Variants in RARRES2 observed in about 807,000 individuals in gnomAD.
RARRES2 encodes the protein retinoic acid receptor responder 2.
A neutral mutation model predicts 17.9 loss-of-function variants in RARRES2; 12 were observed. The ratio of observed to expected loss-of-function variants is 0.67; its 90% CI spans 0.43 to 1.08. RARRES2 has a LOEUF of 1.08. Among genes scored for constraint, RARRES2 ranks in the 50% least tolerant of loss-of-function variants. RARRES2 has a pLI of 0.00. For missense variants in RARRES2, 220 were observed against 210.1 expected, an observed-to-expected ratio of 1.05 and a Z score of -0.29; for synonymous variants, 82 against 86.8, an observed-to-expected ratio of 0.94 and a Z score of 0.31.
At chr7:150,340,801 C>T in intron 1 of RARRES2, 172 bp from the exon 2 acceptor site, 1 of 580,778 alleles carries the variant, frequency 1.7e-6, no homozygotes. Flanking sequence ...CCTTAGGGTC[C>T]GCCTGGCCCT....
chr7:150,339,180 G>A, intron 3 of RARRES2, 99 bp from the exon 4 acceptor site: 2 of 1,159,284 alleles, frequency 1.7e-6, no homozygotes, highest in South Asian at 2.6e-5. Flanking sequence ...CATGGGACCA[G>A]ATCCCCAACT....
In RARRES2 at chr7:150,338,396, C is replaced by T; in HGVS notation, c.*54G>A. 2 of 1,504,702 alleles carry T rather than the reference C, an allele frequency of 1.3e-6. No homozygotes were observed. The highest frequency in any genetic ancestry group is 1.8e-6 in the Non-Finnish European group (2 of 1,127,342). The allele number at this position is 1,504,702 out of a possible 1,614,324, so 93.2% of individuals were successfully genotyped here. The stretch of plus-strand genomic sequence containing the variant: ...TCCTCTCCCTGGGGGCTGGGGTCTT[C>T]CACTGGTTACCACCCGCAGCGGTCC... On this transcript the variant is annotated 3_prime_UTR_variant, in exon 6 of 6. Coordinates refer to ENST00000223271, the MANE Select transcript of RARRES2 (RefSeq NM_002889.4).
Position 150,338,350 on chromosome 7 carries a change from A to G in RARRES2, c.*100T>C, listed in dbSNP as rs552212310. On this transcript the variant is annotated 3_prime_UTR_variant, in exon 6 of 6. Transcript: ENST00000223271. ...CAGCTGGGAGAGCAGCTTTATTATC[A>G]TGGCTGGGGATAGAACGGGTTCCTC... 4 of 1,429,402 alleles carry G rather than the reference A, an allele frequency of 2.8e-6. No homozygotes were observed. The highest frequency in any genetic ancestry group is 6.5e-5 in the East Asian group (2 of 30,828). 88.5% of individuals were successfully genotyped at this position (1,429,402 alleles called of 1,614,324 possible). A position where few individuals can be genotyped will look rare whatever the true frequency, so the allele number is the denominator to read the frequency against.
In RARRES2 at chr7:150,338,400, T is replaced by A. The variant is rs1260315767; in HGVS notation, c.*50A>T. The A allele has an allele frequency of 1.9e-5, 28 of 1,506,920 alleles. No homozygotes were observed. Among genetic ancestry groups the A allele is most frequent in the Non-Finnish European group, 2.3e-5 (26 of 1,128,906 alleles). 93.3% of individuals were successfully genotyped at this position (1,506,920 alleles called of 1,614,324 possible). A position where few individuals can be genotyped will look rare whatever the true frequency, so the allele number is the denominator to read the frequency against. ...CTCCCTGGGGGCTGGGGTCTTCCAC[T>A]GGTTACCACCCGCAGCGGTCCTGGA... On this transcript the variant is annotated 3_prime_UTR_variant, in exon 6 of 6. Transcript: ENST00000223271.
At chr7:150,339,163 TG>T in intron 3 of RARRES2, 82 bp from the exon 4 acceptor site, 1 of 1,326,652 alleles carries the variant, frequency 7.5e-7, no homozygotes, top group Non-Finnish European at 1.1e-6. Context: ...GAGCCAGGGC[TG>T]CCCATCATGG....
chr7:150,340,534 G>A lies in RARRES2; in HGVS notation c.76C>T (p.Gln26Ter). The A allele has an allele frequency of 6.3e-7, 1 of 1,583,676 alleles. No individual in the cohort carries two copies. The highest frequency in any genetic ancestry group is 8.6e-7 in the Non-Finnish European group (1 of 1,165,396). ...GVGVAELTEA[Q>*]RRGLQVALEE... ...AGGGCCACCTGCAGGCCCCGGCGCT[G>A]GGCTTCCGTGAGCTCGGCGACGCCC... Residue 26 changes from glutamine (Q) to a stop codon, truncating the protein, a stop_gained, in exon 2 of 6, where the codon CAG becomes TAG. Transcript: ENST00000223271. LOFTEE classifies it high-confidence loss of function.
Position 150,338,348 on chromosome 7 carries a change from T to C in RARRES2, c.*102A>G. On this transcript the variant is annotated 3_prime_UTR_variant, in exon 6 of 6. Transcript: ENST00000223271. ...GGCAGCTGGGAGAGCAGCTTTATTA[T>C]CATGGCTGGGGATAGAACGGGTTCC... 1 of 1,426,636 alleles carries C rather than the reference T, an allele frequency of 7.0e-7. No homozygotes were observed. The highest frequency in any genetic ancestry group is 9.3e-7 in the Non-Finnish European group (1 of 1,077,422). 88.4% of individuals were successfully genotyped at this position (1,426,636 alleles called of 1,614,324 possible).
At chr7:150,338,962 C>G (rs1222905482) in intron 4 of RARRES2, 24 bp downstream of exon 4, 6 of 1,575,402 alleles carry the variant, frequency 3.8e-6, no homozygotes, top group Non-Finnish European at 5.2e-6. Context: ...CTGTCACCAC[C>G]TGTGCACCCT....
Position 150,340,276 on chromosome 7 carries a change from C to T in RARRES2, c.175-72G>A, listed in dbSNP as rs957383659. ...GTGCAGAGCAAGCCCTGGTGTGATC[C>T]GCACCTCCCTCACGCAGTCACATTC... On this transcript the variant is annotated intron_variant, in intron 2 of 5. Coordinates refer to ENST00000223271, the MANE Select transcript of RARRES2 (RefSeq NM_002889.4). 3.8e-6 allele frequency: 6 copies of T among 1,565,894 alleles called. No homozygotes were observed. The African/African-American group carries it at 4.1e-5, about 11-fold the overall frequency.
intron 3 of RARRES2, 100 bp from the exon 4 acceptor site, chr7:150,339,181 A>G (rs1308929802): frequency 1.7e-6 from 2 of 1,142,860 alleles, no homozygotes; most frequent in African/African-American, 3.1e-5. Flanking sequence ...ATGGGACCAG[A>G]TCCCCAACTA....
chr7:150,340,224 C>A lies in RARRES2; in HGVS notation c.175-20G>T. On this transcript the variant is annotated intron_variant, in intron 2 of 5. Coordinates refer to ENST00000223271, the MANE Select transcript of RARRES2 (RefSeq NM_002889.4). Reference sequence around the variant, plus strand: ...GAAGGGCTGCGGACAGACAGGCAGGCAGAGGATGGCCGGTAGCCAGCTGAG... The same window carrying A: ...GAAGGGCTGCGGACAGACAGGCAGGAAGAGGATGGCCGGTAGCCAGCTGAG... The A allele has an allele frequency of 6.2e-7, 1 of 1,612,298 alleles. No individual in the cohort carries two copies. The highest frequency in any genetic ancestry group is 1.7e-5 in the Admixed American group (1 of 60,002).
rs1026282977 is a variant in RARRES2, at chr7:150,338,434, G to A, written c.*16C>T. On this transcript the variant is annotated 3_prime_UTR_variant, in exon 6 of 6. Coordinates refer to ENST00000223271, the MANE Select transcript of RARRES2 (RefSeq NM_002889.4). ...CCCGCAGCGGTCCTGGAGGCACCAC[G>A]CATCTCTAGACAAAAGGGGAAACAG... is the stretch of plus-strand genomic sequence containing the variant. 40 of 1,525,770 alleles carry A rather than the reference G, an allele frequency of 2.6e-5. No homozygotes were observed. Among genetic ancestry groups the A allele is most frequent in the Admixed American group, 7.9e-5 (4 of 50,596 alleles). 94.5% of individuals were successfully genotyped at this position (1,525,770 alleles called of 1,614,324 possible).
At position 150,338,989 on chromosome 7, in the gene RARRES2, C is replaced by T. The variant is rs770192458; in HGVS notation, c.372G>A (p.Leu124=). ...GTGCACCCTTGCCCCTTCTTACCCGCAGAACTTGGGTCTCTATGGGGCAGT... is the reference window on the plus strand; with the variant it reads ...GTGCACCCTTGCCCCTTCTTACCCGTAGAACTTGGGTCTCTATGGGGCAGT... ...LVHCPIETQV[L]REAEEHQETQ... is the part of the protein sequence containing the mutation. The change falls in exon 4 of 6, where the codon CTG becomes CTA. Residue 124 remains leucine, a synonymous_variant. Coordinates refer to ENST00000223271, the MANE Select transcript of RARRES2 (RefSeq NM_002889.4). The T allele has an allele frequency of 6.2e-7, 1 of 1,603,822 alleles. No individual in the cohort carries two copies. The highest frequency in any genetic ancestry group is 1.1e-5 in the South Asian group (1 of 90,870).
At chr7:150,338,772 TAGGAGGGGTGGGCAGTGCCAGTGG>T (rs1440635759) in intron 4 of RARRES2, 31 bp from the exon 5 acceptor site, 1 of 1,562,134 alleles carries the variant, frequency 6.4e-7, no homozygotes, top group Admixed American at 1.9e-5. Context: ...TCAGGCAGTG[TAGGAGGGGTGGGCAGTGCCAGTGG>T]AGGGCTGCCA....
chr7:150,339,199 G>A lies in RARRES2; in HGVS notation c.280-118C>T, dbSNP rs80070869. 4.0e-4 allele frequency: 375 copies of A among 933,780 alleles called. 1 individual carries two copies. The African/African-American group carries it at 4.6e-3, about 11-fold the overall frequency. The allele number at this position is 933,780 out of a possible 1,614,324, so 57.8% of individuals were successfully genotyped here. A position where few individuals can be genotyped will look rare whatever the true frequency, so the allele number is the denominator to read the frequency against. The stretch of plus-strand genomic sequence containing the variant: ...GGACCAGATCCCCAACTAGGCCCTC[G>A]AGCCCAGGAGCAAGAGGTCATGCAG... On this transcript the variant is annotated intron_variant, in intron 3 of 5. Transcript: ENST00000223271.
At position 150,338,639 on chromosome 7, in the gene RARRES2, G is replaced by A; in HGVS notation, c.478C>T (p.Leu160=). ...FPGQFAFSKA[L]PRS Reference sequence around the variant, plus strand: ...CCAGTGCTGGCTTAGCTGCGGGGCAGGGCCTTGGAGAAGGCGAACTGTCCA... The same window carrying A: ...CCAGTGCTGGCTTAGCTGCGGGGCAAGGCCTTGGAGAAGGCGAACTGTCCA... The change falls in exon 5 of 6, where the codon CTG becomes TTG. Residue 160 remains leucine, a synonymous_variant. Transcript: ENST00000223271. 1.3e-6 allele frequency: 2 copies of A among 1,554,808 alleles called. No individual in the cohort carries two copies. The highest frequency in any genetic ancestry group is 2.7e-5 in the African/African-American group (2 of 73,356).
intron 1 of RARRES2, 51 bp from the exon 2 acceptor site, chr7:150,340,680 T>G (rs1382084603): frequency 4.3e-6 from 6 of 1,410,090 alleles, no homozygotes; most frequent in East Asian, 2.6e-5. Context: ...CCGAGCCGCC[T>G]CCTCCCGCGC....
At chr7:150,339,156 C>T in intron 3 of RARRES2, 75 bp from the exon 4 acceptor site, 1 of 1,366,538 alleles carries the variant, frequency 7.3e-7, no homozygotes, top group Non-Finnish European at 1.0e-6. Flanking sequence ...AGGGTGGGAG[C>T]CAGGGCTGCC....
Position 150,340,218 on chromosome 7 carries a change from G to C in RARRES2, c.175-14C>G, listed in dbSNP as rs772315462. ...AGCTGGGAAGGGCTGCGGACAGACA[G>C]GCAGGCAGAGGATGGCCGGTAGCCA... On this transcript the variant is annotated splice_polypyrimidine_tract_variant and intron_variant, in intron 2 of 5. Coordinates refer to ENST00000223271, the MANE Select transcript of RARRES2 (RefSeq NM_002889.4). 2.9e-5 allele frequency: 46 copies of C among 1,613,014 alleles called. No individual in the cohort carries two copies. Among genetic ancestry groups the C allele is most frequent in the Non-Finnish European group, 3.8e-5 (45 of 1,179,254 alleles).
Sources: gnomAD v4.1 joint callset for allele counts on GRCh38, gnomAD v4.1.1 for gene constraint, MANE v1.5 for transcripts, NCBI Gene and HGNC (gene_info 2026-07-23, HGNC 2026-07-21) for gene names.